Variants in SNX7 observed in about 807,000 individuals in gnomAD.
SNX7 encodes the protein sorting nexin 7.
Under a neutral mutation model 48.4 loss-of-function variants are expected in SNX7, and 35 were observed. That is an observed-to-expected ratio of 0.72 (90% CI 0.55 to 0.96). SNX7 has a LOEUF of 0.96. SNX7 is among the 40% of genes least tolerant of loss of function. SNX7 has a pLI of 0.00. For synonymous variants in SNX7, 190 were observed against 190.2 expected, an observed-to-expected ratio of 1.00 and a Z score of 0.01; for missense variants, 553 against 548.9, an observed-to-expected ratio of 1.01 and a Z score of -0.07.
intron 7 of SNX7, among the ~76,000 whole-genome samples, chr1:98,718,865 T>G (rs964368094): frequency 6.6e-6 from 1 of 152,172 alleles, no homozygotes; most frequent in Non-Finnish European, 1.5e-5. Flanking sequence ...TTGGAGATCA[T>G]TCCATTTATT....
chr1:98,752,510 A>G (rs970428069), intron 8 of SNX7, among the ~76,000 whole-genome samples: 7 of 152,030 alleles, frequency 4.6e-5, no homozygotes, highest in African/African-American at 1.2e-4. Context: ...CTAGAAAAAA[A>G]CCATATTGGT....
chr1:98,691,848 CAGA>C, intron 4 of SNX7, 149 bp downstream of exon 4: 1 of 558,896 alleles, frequency 1.8e-6, no homozygotes, highest in South Asian at 3.4e-5. Flanking sequence ...AGTTATCCTT[CAGA>C]TATAACCCTG....
intron 7 of SNX7, among the ~76,000 whole-genome samples, chr1:98,734,182 A>G (rs1653658692): frequency 6.6e-6 from 1 of 152,040 alleles, no homozygotes; most frequent in Admixed American, 6.6e-5. Context: ...TTAAAAGTCA[A>G]AATGTCCCCT....
In SNX7 at chr1:98,691,540, G is replaced by A. The variant is rs1651125668; in HGVS notation, c.480G>A (p.Leu160=). Residue 160 remains leucine (L), a synonymous_variant, in exon 4 of 9, where the codon TTG becomes TTA. Transcript: ENST00000306121. ...TTTAATTTTTTTTGCCTTAGCCATT[G>A]CCAGAAAAGTTTATAGTAAAAGGAA... ...EAHPTLIIPP[L]PEKFIVKGMV... 1 of 1,572,236 alleles carries A rather than the reference G, an allele frequency of 6.4e-7. No individual in the cohort carries two copies. Among genetic ancestry groups the A allele is most frequent in the Admixed American group, 1.9e-5 (1 of 51,518 alleles).
At chr1:98,713,948 C>T (rs12117358) in intron 7 of SNX7, among the ~76,000 whole-genome samples, 32,161 of 151,984 alleles carry the variant, frequency 0.21, 3,673 homozygotes, top group East Asian at 0.31. Flanking sequence ...GACACAGACA[C>T]GTGAAGTAAG....
rs1444800072 is a variant in SNX7 at position 98,703,569 on chromosome 1, A to G, written c.1125+1666A>G. ...TGAACTAGTGCTCAAGGGAAAACTC[A>G]TCTTTATTATTTAGAGAGAACCCCA... On this transcript the variant is annotated intron_variant, in intron 7 of 8. Coordinates refer to ENST00000306121, the MANE Select transcript of SNX7 (RefSeq NM_015976.5). 3.3e-5 allele frequency among the ~76,000 whole-genome samples: 5 copies of G among 152,068 alleles called. No homozygotes were observed. The East Asian group carries it at 9.6e-4, about 29-fold the overall frequency.
intron 7 of SNX7, among the ~76,000 whole-genome samples, chr1:98,725,312 G>C (rs1653106187): frequency 6.6e-6 from 1 of 152,172 alleles, no homozygotes; most frequent in Non-Finnish European, 1.5e-5. Flanking sequence ...CCCAATTTGA[G>C]AAAAACATGT....
At chr1:98,697,019 T>C (rs1651492944) in intron 5 of SNX7, among the ~76,000 whole-genome samples, 1 of 152,042 alleles carries the variant, frequency 6.6e-6, no homozygotes, top group Admixed American at 6.6e-5. Context: ...GTAAGCACAG[T>C]TTAGAATTTT....
chr1:98,661,808 G>A lies in SNX7; in HGVS notation c.77G>A (p.Gly26Glu). The change falls in exon 1 of 9, where the codon GGG becomes GAG. Residue 26 changes from glycine (G) to glutamate (E), a missense_variant. Physicochemically the swap from Gly to Glu is moderately conservative, Grantham distance 98 (BLOSUM62 -2). Coordinates refer to ENST00000306121, the MANE Select transcript of SNX7 (RefSeq NM_015976.5). ...GGGGGCGCCAACGGGGAGAGCCCGG[G>A]GGGCGGCGCCCCCTTTCCGGGCAGC... Reference protein sequence around the residue: ...PAGGANGESPGGGAPFPGSSG... With the variant: ...PAGGANGESPEGGAPFPGSSG... 1 of 1,245,410 alleles carries A rather than the reference G, an allele frequency of 8.0e-7. No homozygotes were observed. Among genetic ancestry groups the A allele is most frequent in the Middle Eastern group, 3.1e-4 (1 of 3,240 alleles). 77.1% of individuals were successfully genotyped at this position (1,245,410 alleles called of 1,614,324 possible).
intron 7 of SNX7, among the ~76,000 whole-genome samples, chr1:98,703,984 A>G (rs543161010): frequency 6.6e-6 from 1 of 152,118 alleles, no homozygotes; most frequent in Non-Finnish European, 1.5e-5. Flanking sequence ...TAAAATGAAA[A>G]GAAGATTAAT....
intron 7 of SNX7, among the ~76,000 whole-genome samples, chr1:98,719,842 TATG>T (rs1221018403): frequency 8.5e-5 from 12 of 140,964 alleles, no homozygotes; most frequent in African/African-American, 2.7e-4. Context: ...TTCTTATAAA[TATG>T]AGGTTTTTGA....
In SNX7 at chr1:98,663,252, G is replaced by GTTTTTTTTTTTTTTTTTT. The variant is rs1491348958; in HGVS notation, c.180+1341_180+1342insTTTTTTTTTTTTTTTTTT. On this transcript the variant is annotated intron_variant, in intron 1 of 8. Coordinates refer to ENST00000306121, the MANE Select transcript of SNX7 (RefSeq NM_015976.5). Reference sequence around the variant, plus strand: ...ATCAGAATCATCAGGGTTTCTTTCTGGTTTTTTTTTTTTTTTTTTTTTTTT... The same window carrying GTTTTTTTTTTTTTTTTTT: ...ATCAGAATCATCAGGGTTTCTTTCTGTTTTTTTTTTTTTTTTTTGTTTTTTTTTTTTTTTTTTTTTTTT... Among the ~76,000 whole-genome samples the GTTTTTTTTTTTTTTTTTT allele has an allele frequency of 1.8e-4, 15 of 83,184 alleles. 6 individuals are homozygous for GTTTTTTTTTTTTTTTTTT. The highest frequency in any genetic ancestry group is 3.8e-4 in the African/African-American group (7 of 18,276). The allele number at this position is 83,184 out of a possible 152,430, so 54.6% of individuals were successfully genotyped here. A position where few individuals can be genotyped will look rare whatever the true frequency, so the allele number is the denominator to read the frequency against.
intron 2 of SNX7, among the ~76,000 whole-genome samples, chr1:98,685,610 A>C (rs1650750626): frequency 6.6e-6 from 1 of 152,190 alleles, no homozygotes; most frequent in Non-Finnish European, 1.5e-5. Context: ...TACCTCAGAC[A>C]CAATTAAGCA....
chr1:98,735,013 G>C (rs895400282), intron 7 of SNX7, among the ~76,000 whole-genome samples: 7 of 152,110 alleles, frequency 4.6e-5, no homozygotes, highest in Non-Finnish European at 1.0e-4. Context: ...CCTATGGTTA[G>C]AGTTATTGAA....
At chr1:98,718,609 G>T (rs1408149424) in intron 7 of SNX7, among the ~76,000 whole-genome samples, 1 of 151,988 alleles carries the variant, frequency 6.6e-6, no homozygotes, top group Non-Finnish European at 1.5e-5. Context: ...ATATTCACAT[G>T]GCTCAAAATT....
chr1:98,671,877 T>G (rs1170870427), intron 1 of SNX7, among the ~76,000 whole-genome samples: 1 of 152,216 alleles, frequency 6.6e-6, no homozygotes, highest in Non-Finnish European at 1.5e-5. Context: ...ATATCATAGT[T>G]TTATTTTTAG....
At position 98,695,553 on chromosome 1, in the gene SNX7, G is replaced by C. The variant is rs765828575; in HGVS notation, c.675G>C (p.Leu225Phe). Residue 225 changes from leucine to phenylalanine, a missense_variant, in exon 5 of 9, where the codon TTG (leucine) becomes TTC (phenylalanine). Coordinates refer to ENST00000306121, the MANE Select transcript of SNX7 (RefSeq NM_015976.5). ...CTCACAAGAAGCAAGGTCCTGGCTTGCTAAGCAGGATGGGGCAAACCGTCA... is the reference window on the plus strand; with the variant it reads ...CTCACAAGAAGCAAGGTCCTGGCTTCCTAAGCAGGATGGGGCAAACCGTCA... ...LSSHKKQGPG[L>F]LSRMGQTVRA... 9.9e-6 allele frequency: 16 copies of C among 1,614,114 alleles called. 1 individual carries two copies. The South Asian group carries it at 1.5e-4, about 16-fold the overall frequency.
At chr1:98,743,366 TTTAAA>T (rs55913410) in intron 8 of SNX7, among the ~76,000 whole-genome samples, 39,818 of 151,636 alleles carry the variant, frequency 0.26, 5,494 homozygotes, top group Middle Eastern at 0.31. Context: ...TGGTGAAGTA[TTTAAA>T]TTAGTTTTTT....
intron 1 of SNX7, among the ~76,000 whole-genome samples, chr1:98,670,870 TTTTATTTA>T (rs71075409): frequency 0.87 from 132,006 of 151,052 alleles, 58,956 homozygotes; most frequent in Non-Finnish European, 0.96. Context: ...AGACAGTGAG[TTTTATTTA>T]TTTATTTATT....
Sources: allele counts gnomAD v4.1 joint callset (sites outside exome capture counted in the v4.1 genomes callset), GRCh38; gene constraint gnomAD v4.1.1; transcripts MANE v1.5; gene names NCBI Gene and HGNC (gene_info 2026-07-23, HGNC 2026-07-21).